STS: variants seen among roughly 807,000 people sequenced by gnomAD.
The protein encoded by STS is steryl-sulfatase.
STS carries 7 observed loss-of-function variants against 26.8 expected under a neutral mutation model. The observed-to-expected ratio is 0.26, with a 90% CI of 0.15 to 0.49. The LOEUF (loss-of-function observed/expected upper bound fraction) is 0.49, where lower values mean the gene tolerates loss of function less well. STS is among the 20% of genes least tolerant of loss of function. STS has a pLI of 0.98. For missense variants in STS, 434 were observed against 465.6 expected (o/e 0.93, Z 0.63); for synonymous variants, 199 against 189.4 (o/e 1.05, Z -0.42).
intron 10 of STS, among the ~76,000 whole-genome samples, chrX:7,339,847 G>A (rs1326397034): frequency 9.0e-6 from 1 of 110,737 alleles, no homozygotes; most frequent in Non-Finnish European, 1.9e-5. Context: ...ATTTTCTTAT[G>A]GAACTTCATA....
intron 2 of STS, among the ~76,000 whole-genome samples, chrX:7,218,117 A>G (rs1004912909): frequency 2.2e-4 from 25 of 112,239 alleles, no homozygotes; most frequent in African/African-American, 8.1e-4. Flanking sequence ...GAATCTTTGC[A>G]GAACTGGAAC....
chrX:7,191,041 C>T (rs1324082217), intron 2 of STS, 33 bp downstream of exon 2: 7 of 733,590 alleles, frequency 9.5e-6, no homozygotes, highest in African/African-American at 2.4e-5. Flanking sequence ...TTTGTATCTT[C>T]GCCCTGAAAC....
intron 2 of STS, among the ~76,000 whole-genome samples, chrX:7,193,614 C>A (rs1933918432): frequency 9.0e-6 from 1 of 111,215 alleles, no homozygotes; most frequent in South Asian, 3.8e-4. Context: ...ATTCATTATC[C>A]TTTCCTAATG....
chrX:7,154,615 G>C lies in STS; in HGVS notation c.-134+6532G>C, dbSNP rs757430335. Among the ~76,000 whole-genome samples the C allele has an allele frequency of 6.2e-5, 7 of 112,234 alleles. No individual in the cohort carries two copies. The South Asian group carries it at 2.6e-3, about 41-fold the overall frequency. Reference sequence around the variant, plus strand: ...TGCCACAAGTCATATACCTGAAAACGATCAGGGTGGAGAGTTCAACCTCTG... The same window carrying C: ...TGCCACAAGTCATATACCTGAAAACCATCAGGGTGGAGAGTTCAACCTCTG... On this transcript the variant is annotated intron_variant, in intron 1 of 10. Transcript: ENST00000674429.
chrX:7,264,132 T>C (rs866002051), intron 6 of STS, among the ~76,000 whole-genome samples: 1 of 111,579 alleles, frequency 9.0e-6, no homozygotes, highest in Non-Finnish European at 1.9e-5. Context: ...GCCTGTTGTC[T>C]GGGTGCCTGT....
chrX:7,204,489 C>T (rs766637559), intron 2 of STS, among the ~76,000 whole-genome samples: 1 of 103,449 alleles, frequency 9.7e-6, no homozygotes, highest in African/African-American at 3.6e-5. Flanking sequence ...TCCTCCCTCC[C>T]TTCCTTCCTC....
intron 6 of STS, among the ~76,000 whole-genome samples, chrX:7,263,010 G>A (rs1018893047): frequency 2.7e-5 from 3 of 112,334 alleles, no homozygotes; most frequent in African/African-American, 9.7e-5. Flanking sequence ...AATGGACCAC[G>A]TATATGACAG....
At chrX:7,302,997 A>G (rs1483632442) in intron 7 of STS, among the ~76,000 whole-genome samples, 1 of 111,295 alleles carries the variant, frequency 9.0e-6, no homozygotes, top group Non-Finnish European at 1.9e-5. Context: ...CTTATTACTC[A>G]TATAATGTGG....
Position 7,349,924 on chromosome X carries a change from A to C in STS, c.1400A>C (p.Asn467Thr), listed in dbSNP as rs1928713940. ...SIWKAFFFTP[N>T]FNPVGSNGCF... Reference sequence around the variant, plus strand: ...TGGAAGGCCTTTTTCTTCACCCCCAACTTCAACCCCGTGGGTTCCAACGGA... The same window carrying C: ...TGGAAGGCCTTTTTCTTCACCCCCACCTTCAACCCCGTGGGTTCCAACGGA... Residue 467 changes from asparagine to threonine, a missense_variant, in exon 11 of 11, where the codon AAC becomes ACC. Physicochemically the swap from Asn to Thr is moderately conservative, Grantham distance 65 (BLOSUM62 0). Coordinates refer to ENST00000674429, the MANE Select transcript of STS (RefSeq NM_001320752.2). The C allele has an allele frequency of 1.7e-6, 2 of 1,209,344 alleles. No homozygotes were observed. The highest frequency in any genetic ancestry group is 2.2e-6 in the Non-Finnish European group (2 of 894,997).
chrX:7,340,260 G>A (rs1218272829), intron 10 of STS, among the ~76,000 whole-genome samples: 1 of 111,002 alleles, frequency 9.0e-6, no homozygotes, highest in African/African-American at 3.3e-5. Context: ...AACACGGGGT[G>A]TCTCTCAGTT....
At chrX:7,257,609 G>A in intron 5 of STS, 21 bp downstream of exon 5, 1 of 1,210,814 alleles carries the variant, frequency 8.3e-7, no homozygotes, top group Non-Finnish European at 1.1e-6. Flanking sequence ...CTATGGGATG[G>A]GAACCATCTA....
intron 10 of STS, among the ~76,000 whole-genome samples, chrX:7,343,631 G>A (rs1462543078): frequency 8.9e-6 from 1 of 111,774 alleles, no homozygotes; most frequent in Non-Finnish European, 1.9e-5. Flanking sequence ...AGAGCTCGGG[G>A]TTGAACCTAA....
chrX:7,186,551 C>G (rs1386144139), intron 1 of STS, among the ~76,000 whole-genome samples: 1 of 111,550 alleles, frequency 9.0e-6, no homozygotes, highest in Non-Finnish European at 1.9e-5. Flanking sequence ...GGGTTACAAC[C>G]TCATCTGATT....
intron 8 of STS, among the ~76,000 whole-genome samples, chrX:7,317,546 A>G (rs1455510007): frequency 9.0e-6 from 1 of 111,448 alleles, no homozygotes; most frequent in Non-Finnish European, 1.9e-5. Context: ...ACAGCTCACT[A>G]TGGCCTCAAC....
At chrX:7,165,012 C>G (rs1933322268) in intron 1 of STS, among the ~76,000 whole-genome samples, 1 of 110,528 alleles carries the variant, frequency 9.0e-6, no homozygotes, top group South Asian at 3.9e-4. Context: ...GGCAACAGAG[C>G]AAGACCCTCT....
At chrX:7,189,427 A>G (rs1447895857) in intron 1 of STS, among the ~76,000 whole-genome samples, 2 of 112,136 alleles carry the variant, frequency 1.8e-5, no homozygotes, top group Non-Finnish European at 3.8e-5. Context: ...TGAGGGACAA[A>G]TAGTATCTAT....
At chrX:7,206,503 C>A (rs1378125272) in intron 2 of STS, among the ~76,000 whole-genome samples, 5 of 112,279 alleles carry the variant, frequency 4.5e-5, no homozygotes, top group African/African-American at 6.5e-5. Context: ...TCTTTGATCG[C>A]TGTCCATATA....
intron 3 of STS, among the ~76,000 whole-genome samples, 190 bp from the exon 4 acceptor site, chrX:7,257,052 G>A (rs1365698928): frequency 8.9e-6 from 1 of 112,075 alleles, no homozygotes; most frequent in Non-Finnish European, 1.9e-5. Context: ...AGGAGTTTGA[G>A]ACCAGCCTGG....
At chrX:7,281,549 C>G (rs1924861189) in intron 7 of STS, among the ~76,000 whole-genome samples, 3 of 112,044 alleles carry the variant, frequency 2.7e-5, no homozygotes, top group African/African-American at 9.7e-5. Flanking sequence ...CCATGCCTGA[C>G]ATTTAGTCAG....
Sources: allele counts gnomAD v4.1 joint callset (sites outside exome capture counted in the v4.1 genomes callset), GRCh38; gene constraint gnomAD v4.1.1; transcripts MANE v1.5; gene names NCBI Gene and HGNC (gene_info 2026-07-23, HGNC 2026-07-21).